CENPQ: variants seen among roughly 807,000 people sequenced by gnomAD.
CENPQ encodes the protein chromosome 6 open reading frame 139.
In CENPQ, 27 loss-of-function variants were observed where a neutral mutation model predicts 36.6. That is an observed-to-expected ratio of 0.74 (90% CI 0.54 to 1.02). CENPQ has a LOEUF of 1.02. CENPQ is among the 50% of genes least tolerant of loss of function. CENPQ has a pLI of 0.00. For synonymous variants in CENPQ, 101 were observed against 101.7 expected (o/e 0.99, Z 0.04); for missense variants, 306 against 301.8 (o/e 1.01, Z -0.10).
intron 5 of CENPQ, among the ~76,000 whole-genome samples, chr6:49,477,078 T>C (rs1005157123): frequency 6.6e-6 from 1 of 152,104 alleles, no homozygotes; most frequent in Non-Finnish European, 1.5e-5. Context: ...GGGTATATAC[T>C]CAAAGGATTA....
intron 3 of CENPQ, among the ~76,000 whole-genome samples, 189 bp downstream of exon 3, chr6:49,471,217 C>T (rs1473592351): frequency 6.6e-6 from 1 of 152,182 alleles, no homozygotes; most frequent in African/African-American, 2.4e-5. Context: ...CTTAGCACCT[C>T]TGACGAAATA....
intron 3 of CENPQ, 41 bp from the exon 4 acceptor site, chr6:49,472,022 A>G (rs754551563): frequency 4.6e-6 from 7 of 1,526,110 alleles, no homozygotes; most frequent in Non-Finnish European, 6.1e-6. Flanking sequence ...AACATGTAAA[A>G]CATCTAGATT....
chr6:49,481,902 C>T (rs923176708), intron 6 of CENPQ, among the ~76,000 whole-genome samples: 1 of 152,132 alleles, frequency 6.6e-6, no homozygotes, highest in South Asian at 2.1e-4. Context: ...GAGGCTTGGG[C>T]TGCACAGGAG....
chr6:49,481,311 C>T (rs185562992), intron 6 of CENPQ, among the ~76,000 whole-genome samples: 19 of 152,030 alleles, frequency 1.2e-4, no homozygotes, highest in East Asian at 3.9e-4. Flanking sequence ...GTAGTGTGTC[C>T]GGAATTGGTG....
intron 1 of CENPQ, among the ~76,000 whole-genome samples, chr6:49,469,872 C>T (rs974940234): frequency 6.6e-6 from 1 of 152,008 alleles, no homozygotes; most frequent in Non-Finnish European, 1.5e-5. Context: ...GATACAAAAG[C>T]ATTTTTAAAT....
rs560116612 is a variant in CENPQ at position 49,473,655 on chromosome 6, A to C, written c.347+797A>C. The stretch of plus-strand genomic sequence containing the variant: ...AGCTAATATCATAATGACAGGATCA[A>C]ATTCACACATAACAATATTAACCTT... On this transcript the variant is annotated intron_variant, in intron 5 of 8. Transcript: ENST00000335783. Among the ~76,000 whole-genome samples, 448 of 152,330 alleles carry C rather than the reference A, an allele frequency of 2.9e-3. 1 individual carries two copies. The highest frequency in any genetic ancestry group is 6.9e-3 in the African/African-American group (285 of 41,584).
At chr6:49,464,848 A>C (rs1050731195) in intron 1 of CENPQ, among the ~76,000 whole-genome samples, 1 of 152,214 alleles carries the variant, frequency 6.6e-6, no homozygotes, top group Non-Finnish European at 1.5e-5. Context: ...CATGACCTTT[A>C]CAAAGTCATC....
rs938781767 is a variant in CENPQ, at chr6:49,473,923, G to A, written c.347+1065G>A. ...AACAAAGATCAAAAGAGACAAAGAA[G>A]ACCGTTAATAATAGTAAAGGGATCA... On this transcript the variant is annotated intron_variant, in intron 5 of 8. Transcript: ENST00000335783. Among the ~76,000 whole-genome samples the A allele has an allele frequency of 5.9e-5, 9 of 152,130 alleles. No homozygotes were observed. In the South Asian group the frequency reaches 1.9e-3, roughly 32 times the overall value.
At chr6:49,464,007 G>GT (rs997186311) in intron 1 of CENPQ, among the ~76,000 whole-genome samples, 32 of 151,896 alleles carry the variant, frequency 2.1e-4, no homozygotes, top group Admixed American at 6.5e-4. Flanking sequence ...GGTTTTTTGT[G>GT]TTTTTTCCGA....
In CENPQ at chr6:49,470,270, G is replaced by T; in HGVS notation, c.94G>T (p.Glu32Ter). 1 of 1,570,702 alleles carries T rather than the reference G, an allele frequency of 6.4e-7. No homozygotes were observed. The highest frequency in any genetic ancestry group is 8.7e-7 in the Non-Finnish European group (1 of 1,143,310). ...KKDNEEVVLS[E>*]NKVRNTVKKN... ...GGATAATGAGGAAGTTGTGTTGTCA[G>T]AGAATAAGGTAATGAAAATATCAAG... is the stretch of plus-strand genomic sequence containing the variant. Residue 32 changes from glutamate (E) to a stop codon, truncating the protein, a stop_gained, in exon 2 of 9, where the codon GAG becomes TAG. Coordinates refer to ENST00000335783, the MANE Select transcript of CENPQ (RefSeq NM_018132.4). LOFTEE classifies it high-confidence loss of function.
At chr6:49,477,777 C>G (rs959424168) in intron 5 of CENPQ, among the ~76,000 whole-genome samples, 3 of 152,108 alleles carry the variant, frequency 2.0e-5, no homozygotes. Flanking sequence ...AAATTAAAAA[C>G]TGCTAGAAGC....
At chr6:49,470,773 CATT>C (rs1271794060) in intron 2 of CENPQ, among the ~76,000 whole-genome samples, 198 bp from the exon 3 acceptor site, 2 of 151,966 alleles carry the variant, frequency 1.3e-5, no homozygotes, top group Admixed American at 6.6e-5. Flanking sequence ...TTATTATCAT[CATT>C]GTCAAGAATT....
chr6:49,468,894 A>C (rs1768065812), intron 1 of CENPQ, among the ~76,000 whole-genome samples: 1 of 151,560 alleles, frequency 6.6e-6, no homozygotes, highest in East Asian at 1.9e-4. Flanking sequence ...GAGATCTACA[A>C]GTGAAATTCT....
At chr6:49,478,423 A>G (rs1418385701) in intron 5 of CENPQ, among the ~76,000 whole-genome samples, 2 of 152,128 alleles carry the variant, frequency 1.3e-5, no homozygotes, top group East Asian at 3.8e-4. Flanking sequence ...TTAACCTAGC[A>G]TCTCCCAAAT....
intron 3 of CENPQ, among the ~76,000 whole-genome samples, 197 bp downstream of exon 3, chr6:49,471,225 A>G (rs1041769252): frequency 6.6e-6 from 1 of 152,198 alleles, no homozygotes; most frequent in Non-Finnish European, 1.5e-5. Context: ...CTCTGACGAA[A>G]TACTGTAGAG....
chr6:49,482,314 T>C (rs1021999573), intron 6 of CENPQ, among the ~76,000 whole-genome samples: 6 of 152,104 alleles, frequency 3.9e-5, no homozygotes, highest in Non-Finnish European at 7.4e-5. Context: ...GCCACCAAAG[T>C]GGGAGCCCAG....
intron 8 of CENPQ, among the ~76,000 whole-genome samples, chr6:49,488,966 C>A (rs1288673786): frequency 1.3e-5 from 2 of 151,794 alleles, no homozygotes; most frequent in African/African-American, 4.8e-5. Context: ...AGGTCGTAAT[C>A]TTTTTGCCAG....
intron 5 of CENPQ, among the ~76,000 whole-genome samples, chr6:49,473,545 G>T (rs1035662850): frequency 6.6e-6 from 1 of 152,114 alleles, no homozygotes; most frequent in Non-Finnish European, 1.5e-5. Flanking sequence ...AGGAAAAACC[G>T]GTACCAGCCA....
chr6:49,472,324 G>A (rs561187988), intron 4 of CENPQ, 141 bp downstream of exon 4: 14 of 656,548 alleles, frequency 2.1e-5, no homozygotes, highest in Middle Eastern at 4.4e-4. Flanking sequence ...TTAATGTGAC[G>A]GTATTTGCCT....
Sources: allele counts gnomAD v4.1 joint callset (sites outside exome capture counted in the v4.1 genomes callset), GRCh38; gene constraint gnomAD v4.1.1; transcripts MANE v1.5; gene names NCBI Gene and HGNC (gene_info 2026-07-23, HGNC 2026-07-21).